TBC1D22A: variants seen among roughly 807,000 people sequenced by gnomAD.
The protein encoded by TBC1D22A is TBC1 domain family member 22A.
Under a neutral mutation model 60.2 loss-of-function variants are expected in TBC1D22A, and 38 were observed. That is an observed-to-expected ratio of 0.63 (90% CI 0.49 to 0.83). The LOEUF is 0.83. TBC1D22A is among the 40% of genes least tolerant of loss of function. The probability of loss-of-function intolerance (pLI) is 0.00; values close to 1 mark genes in which losing one functional copy is unlikely to be tolerated. For missense variants in TBC1D22A, 628 were observed against 701.0 expected (o/e 0.90, Z 1.18); for synonymous variants, 302 against 281.7 (o/e 1.07, Z -0.72).
chr22:46,948,834 C>T (rs2072716683), intron 8 of TBC1D22A, among the ~76,000 whole-genome samples: 1 of 152,336 alleles, frequency 6.6e-6, no homozygotes, highest in African/African-American at 2.4e-5. Context: ...CAGAAACATG[C>T]TACCGAAGTC....
chr22:46,858,736 A>AT (rs2087705853), intron 4 of TBC1D22A, among the ~76,000 whole-genome samples: 1 of 152,266 alleles, frequency 6.6e-6, no homozygotes, highest in African/African-American at 2.4e-5. Context: ...TTCCAGATGG[A>AT]AGGGCTAAGG....
chr22:46,791,107 G>T (rs900094462), intron 1 of TBC1D22A, among the ~76,000 whole-genome samples: 2 of 152,028 alleles, frequency 1.3e-5, no homozygotes, highest in African/African-American at 4.8e-5. Flanking sequence ...TTGGAGTTCA[G>T]TGGTGCAATC....
At chr22:47,133,296 T>G (rs975935767) in intron 12 of TBC1D22A, among the ~76,000 whole-genome samples, 3 of 152,210 alleles carry the variant, frequency 2.0e-5, no homozygotes, top group African/African-American at 7.2e-5. Flanking sequence ...TTCCATGTTT[T>G]TATAAGGAAA....
chr22:47,003,526 C>T (rs1463555806), intron 10 of TBC1D22A, among the ~76,000 whole-genome samples: 1 of 148,282 alleles, frequency 6.7e-6, no homozygotes, highest in Non-Finnish European at 1.5e-5. Flanking sequence ...TACATATACA[C>T]ACACCCTACA....
intron 11 of TBC1D22A, among the ~76,000 whole-genome samples, chr22:47,106,901 C>G (rs2065657071): frequency 6.6e-6 from 1 of 152,162 alleles, no homozygotes; most frequent in Non-Finnish European, 1.5e-5. Context: ...CCCCTGCACT[C>G]CAGTCTGGCG....
At chr22:46,804,971 C>T (rs1191890784) in intron 4 of TBC1D22A, among the ~76,000 whole-genome samples, 1 of 152,088 alleles carries the variant, frequency 6.6e-6, no homozygotes, top group Non-Finnish European at 1.5e-5. Flanking sequence ...GGTATTTTCT[C>T]TATGTGAGGG....
intron 9 of TBC1D22A, among the ~76,000 whole-genome samples, chr22:46,992,016 ATGTGCAC>A (rs1296998803): frequency 1.3e-5 from 2 of 152,162 alleles, no homozygotes; most frequent in East Asian, 1.9e-4. Flanking sequence ...TTAGCAGTCA[ATGTGCAC>A]TTGCCTGGCG....
intron 4 of TBC1D22A, among the ~76,000 whole-genome samples, chr22:46,867,071 CAAT>C (rs1439327635): frequency 1.3e-5 from 2 of 152,304 alleles, no homozygotes; most frequent in Middle Eastern, 3.4e-3. Flanking sequence ...AAATTCTCAA[CAAT>C]AATAATGTTT....
At chr22:46,905,016 C>G (rs539446106) in intron 7 of TBC1D22A, among the ~76,000 whole-genome samples, 1 of 145,706 alleles carries the variant, frequency 6.9e-6, no homozygotes, top group African/African-American at 2.6e-5. Context: ...CCTCGTGATC[C>G]ACCTGCCTCG....
At chr22:47,000,347 C>T (rs1021238592) in intron 10 of TBC1D22A, among the ~76,000 whole-genome samples, 34 of 152,038 alleles carry the variant, frequency 2.2e-4, no homozygotes, top group African/African-American at 8.2e-4. Context: ...AGAGGGGCTG[C>T]ATCACTCTTG....
rs2147493158 is a variant in TBC1D22A at position 46,878,559 on chromosome 22, T to G, written c.638-94T>G. The G allele has an allele frequency of 5.0e-6, 5 of 1,009,352 alleles. No homozygotes were observed. The South Asian group carries it at 5.1e-5, about 10-fold the overall frequency. The allele number at this position is 1,009,352 out of a possible 1,614,324, so 62.5% of individuals were successfully genotyped here. On this transcript the variant is annotated intron_variant, in intron 4 of 12. Coordinates refer to ENST00000337137, the MANE Select transcript of TBC1D22A (RefSeq NM_014346.5). Reference sequence around the variant, plus strand: ...TAATTTGTTTATGGGGCTCCTTGCCTCCTAATTAAACAGGTGGAATGTGTT... The same window carrying G: ...TAATTTGTTTATGGGGCTCCTTGCCGCCTAATTAAACAGGTGGAATGTGTT...
chr22:46,845,834 G>T (rs2086964869), intron 4 of TBC1D22A, among the ~76,000 whole-genome samples: 1 of 152,200 alleles, frequency 6.6e-6, no homozygotes. Flanking sequence ...GCAAGCTGGG[G>T]ACTTCAGAGT....
chr22:47,104,471 G>A (rs2065545233), intron 11 of TBC1D22A, among the ~76,000 whole-genome samples: 1 of 117,298 alleles, frequency 8.5e-6, no homozygotes, highest in Non-Finnish European at 1.7e-5. Flanking sequence ...AAGGCAAGTG[G>A]ATCACCTGAG....
At chr22:47,125,014 G>T (rs1371069722) in intron 12 of TBC1D22A, among the ~76,000 whole-genome samples, 1 of 152,082 alleles carries the variant, frequency 6.6e-6, no homozygotes, top group African/African-American at 2.4e-5. Context: ...GCTTGCAGAG[G>T]GTGGCGGGGA....
intron 4 of TBC1D22A, among the ~76,000 whole-genome samples, chr22:46,865,231 A>C (rs957419941): frequency 6.6e-5 from 10 of 151,598 alleles, no homozygotes; most frequent in African/African-American, 2.4e-4. Flanking sequence ...CTGCATCTCC[A>C]CCCTCTGGAT....
intron 7 of TBC1D22A, among the ~76,000 whole-genome samples, chr22:46,902,708 C>T (rs543203512): frequency 1.2e-4 from 18 of 152,338 alleles, no homozygotes; most frequent in East Asian, 1.9e-4. Context: ...ACCTTTCCTG[C>T]GATAACTGCA....
intron 7 of TBC1D22A, among the ~76,000 whole-genome samples, chr22:46,906,122 C>T (rs1482259376): frequency 1.3e-5 from 2 of 152,068 alleles, no homozygotes; most frequent in Non-Finnish European, 2.9e-5. Context: ...TTGGCTTGCC[C>T]TCAGCACAGC....
Position 47,174,618 on chromosome 22 carries a change from TTCCTCCA to T in TBC1D22A, c.*994_*1000del, listed in dbSNP as rs2068610953. 1 of 9,614 alleles carries T rather than the reference TTCCTCCA, an allele frequency of 1.0e-4. No individual in the cohort carries two copies. The highest frequency in any genetic ancestry group is 2.8e-4 in the Non-Finnish European group (1 of 3,516). 0.6% of individuals were successfully genotyped at this position (9,614 alleles called of 1,614,324 possible). A position where few individuals can be genotyped will look rare whatever the true frequency, so the allele number is the denominator to read the frequency against. On this transcript the variant is annotated 3_prime_UTR_variant, in exon 13 of 13. Coordinates refer to ENST00000337137, the MANE Select transcript of TBC1D22A (RefSeq NM_014346.5). ...TGTGACTGGTTCCATCATGGACCGGTTCCTCCATGGACCGGTTCCTCCGTGGACCGGT... is the reference window on the plus strand; with the variant it reads ...TGTGACTGGTTCCATCATGGACCGGTTGGACCGGTTCCTCCGTGGACCGGT...
intron 12 of TBC1D22A, among the ~76,000 whole-genome samples, chr22:47,141,475 A>G (rs939944785): frequency 5.3e-5 from 8 of 152,250 alleles, no homozygotes; most frequent in African/African-American, 1.9e-4. Flanking sequence ...CACAGAGGGC[A>G]GTTGTCCCCA....
Sources: gnomAD v4.1 joint callset for allele counts (sites outside exome capture counted in the v4.1 genomes callset) on GRCh38, gnomAD v4.1.1 for gene constraint, MANE v1.5 for transcripts, NCBI Gene and HGNC (gene_info 2026-07-23, HGNC 2026-07-21) for gene names.